The following SOX5 variants were observed in gnomAD, a reference collection of about 807,000 sequenced individuals.
The protein encoded by SOX5 is transcription factor SOX-5.
A neutral mutation model predicts 92.0 loss-of-function variants in SOX5; 9 were observed. The observed-to-expected ratio is 0.10, with a 90% confidence interval of 0.06 to 0.17. The LOEUF is 0.17. Ranked by LOEUF, SOX5 falls within the 10% of genes least tolerant of loss-of-function variation. The pLI is 1.00. For missense variants in SOX5, 642 were observed against 944.5 expected, an observed-to-expected ratio of 0.68 and a Z score of 4.20; for synonymous variants, 344 against 336.3, an observed-to-expected ratio of 1.02 and a Z score of -0.25.
chr12:24,361,574 A>G (rs2136179603), intron 2 of SOX5, among the ~76,000 whole-genome samples: 1 of 118,166 alleles, frequency 8.5e-6, no homozygotes, highest in Non-Finnish European at 2.1e-5. Flanking sequence ...GCACTGAAAC[A>G]AACAGTGAAC....
chr12:24,342,780 C>T (rs1441155029), intron 2 of SOX5, among the ~76,000 whole-genome samples: 1 of 152,182 alleles, frequency 6.6e-6, no homozygotes, highest in African/African-American at 2.4e-5. Flanking sequence ...AGTGGTAAAT[C>T]TGATTATACC....
chr12:23,867,425 T>C (rs1480040840), intron 2 of SOX5, among the ~76,000 whole-genome samples: 1 of 152,158 alleles, frequency 6.6e-6, no homozygotes, highest in Admixed American at 6.5e-5. Flanking sequence ...TTATCCTGTC[T>C]GAACTTTAAT....
chr12:24,177,542 T>C (rs1374713694), intron 4 of SOX5, among the ~76,000 whole-genome samples: 2 of 152,176 alleles, frequency 1.3e-5, no homozygotes, highest in East Asian at 3.8e-4. Flanking sequence ...CATTTTGGAC[T>C]TAGAGCCATG....
intron 3 of SOX5, among the ~76,000 whole-genome samples, chr12:23,815,963 A>C (rs893189908): frequency 3.3e-5 from 5 of 152,224 alleles, no homozygotes; most frequent in African/African-American, 1.2e-4. Flanking sequence ...TAAATGAAAA[A>C]GCATGGCTGT....
chr12:24,355,339 GCT>G (rs918280498), intron 2 of SOX5, among the ~76,000 whole-genome samples: 1 of 110,556 alleles, frequency 9.0e-6, no homozygotes, highest in Non-Finnish European at 1.7e-5. Context: ...ATGGAGTCTC[GCT>G]CTGTCACCCA....
chr12:23,949,731 C>CCTCT (rs141363242), upstream of SOX5: 360 of 749,796 alleles, frequency 4.8e-4, no homozygotes, highest in Non-Finnish European at 5.8e-4. Flanking sequence ...TCCCTCCCTC[C>CCTCT]CTCTCTCTCT....
At chr12:23,713,025 A>G (rs529843252) in intron 6 of SOX5, among the ~76,000 whole-genome samples, 2 of 152,320 alleles carry the variant, frequency 1.3e-5, no homozygotes, top group South Asian at 4.1e-4. Context: ...TTGAAAATAG[A>G]GTCTTTGTGG....
intron 3 of SOX5, among the ~76,000 whole-genome samples, chr12:24,266,692 T>A (rs1203375816): frequency 6.6e-6 from 1 of 152,238 alleles, no homozygotes; most frequent in African/African-American, 2.4e-5. Context: ...CCTAATTGCA[T>A]CTGTTGAACA....
At chr12:24,097,493 G>T (rs941943433) in intron 4 of SOX5, among the ~76,000 whole-genome samples, 6 of 148,320 alleles carry the variant, frequency 4.0e-5, no homozygotes, top group African/African-American at 1.5e-4. Context: ...AATTTTACAG[G>T]TTTTTTTTTT....
intron 4 of SOX5, among the ~76,000 whole-genome samples, chr12:24,001,805 A>G (rs1056056259): frequency 6.6e-6 from 1 of 152,212 alleles, no homozygotes; most frequent in African/African-American, 2.4e-5. Context: ...GGACTTGAAG[A>G]ACAGACATAA....
intron 2 of SOX5, among the ~76,000 whole-genome samples, chr12:23,853,210 T>A (rs1376485186): frequency 6.6e-6 from 1 of 151,020 alleles, no homozygotes; most frequent in Non-Finnish European, 1.5e-5. Flanking sequence ...GAAACACGCT[T>A]ATGTTTCCTG....
chr12:23,750,186 C>T (rs2094138371), intron 4 of SOX5, among the ~76,000 whole-genome samples: 1 of 151,864 alleles, frequency 6.6e-6, no homozygotes, highest in Non-Finnish European at 1.5e-5. Context: ...AATTTTGACT[C>T]TGCCACAACT....
Position 23,543,201 on chromosome 12 carries a change from G to A in SOX5, c.1771+10C>T, listed in dbSNP as rs748313065. On this transcript the variant is annotated intron_variant, in intron 13 of 14. Coordinates refer to ENST00000451604, the MANE Select transcript of SOX5 (RefSeq NM_006940.6). ...TCCATACGTCACTTAGTTCTTAATG[G>A]TTTTCTTACCCAATATCTTGCTGAT... 7.5e-6 allele frequency: 12 copies of A among 1,608,678 alleles called. No homozygotes were observed. The highest frequency in any genetic ancestry group is 1.0e-5 in the Non-Finnish European group (12 of 1,175,726).
rs187413900 is a variant in SOX5, at chr12:23,685,481, A to T, written c.811-19917T>A. 1.1e-4 allele frequency among the ~76,000 whole-genome samples: 17 copies of T among 152,248 alleles called. No individual in the cohort carries two copies. The East Asian group carries it at 3.1e-3, about 28-fold the overall frequency. ...AAATTTTAATTGTGTGTCTCTATAC[A>T]TTTGAATAAGCAAGTAAAAATAATG... On this transcript the variant is annotated intron_variant, in intron 6 of 14. Transcript: ENST00000451604.
chr12:23,538,708 A>G (rs1193676845), intron 13 of SOX5, among the ~76,000 whole-genome samples: 2 of 152,178 alleles, frequency 1.3e-5, no homozygotes, highest in Non-Finnish European at 2.9e-5. Flanking sequence ...ACAAATAGGA[A>G]TACACTGATA....
intron 3 of SOX5, among the ~76,000 whole-genome samples, chr12:23,812,710 A>G (rs1372611152): frequency 6.6e-6 from 1 of 152,168 alleles, no homozygotes; most frequent in African/African-American, 2.4e-5. Context: ...CTTAACCACC[A>G]TTCATACTTT....
At chr12:24,292,231 A>G (rs949040985) in intron 2 of SOX5, among the ~76,000 whole-genome samples, 1 of 152,232 alleles carries the variant, frequency 6.6e-6, no homozygotes, top group African/African-American at 2.4e-5. Flanking sequence ...CACTGACATC[A>G]ATATGATCAG....
At chr12:24,279,754 A>G (rs1469739845) in intron 2 of SOX5, among the ~76,000 whole-genome samples, 2 of 152,194 alleles carry the variant, frequency 1.3e-5, no homozygotes, top group South Asian at 4.1e-4. Flanking sequence ...AAAAACTCCC[A>G]TCTAAAAAAA....
At chr12:23,819,788 T>C (rs776141082) in intron 3 of SOX5, among the ~76,000 whole-genome samples, 33 of 152,286 alleles carry the variant, frequency 2.2e-4, no homozygotes, top group Non-Finnish European at 4.7e-4. Context: ...GCATACCATT[T>C]CATGGTGTAT....
Sources: gnomAD v4.1 joint callset for allele counts (sites outside exome capture counted in the v4.1 genomes callset) on GRCh38, gnomAD v4.1.1 for gene constraint, MANE v1.5 for transcripts, NCBI Gene and HGNC (gene_info 2026-07-23, HGNC 2026-07-21) for gene names.